FKBP1B: variants seen among roughly 807,000 people sequenced by gnomAD.
The protein encoded by FKBP1B is peptidyl-prolyl cis-trans isomerase FKBP1B.
Under a neutral mutation model 13.5 loss-of-function variants are expected in FKBP1B, and 4 were observed. The observed-to-expected ratio is 0.30, with a 90% confidence interval of 0.15 to 0.68. The LOEUF is 0.68. Ranked by LOEUF, FKBP1B falls within the 30% of genes least tolerant of loss-of-function variation. The pLI, the probability that FKBP1B is intolerant of heterozygous loss-of-function variation, is 0.76. For missense variants in FKBP1B, 93 were observed against 136.2 expected, an observed-to-expected ratio of 0.68 and a Z score of 1.58; for synonymous variants, 54 against 53.6, an observed-to-expected ratio of 1.01 and a Z score of -0.03.
intron 2 of FKBP1B, among the ~76,000 whole-genome samples, chr2:24,059,330 T>C (rs144247391): frequency 2.7e-5 from 4 of 149,760 alleles, no homozygotes; most frequent in Non-Finnish European, 5.9e-5. Flanking sequence ...ACAAGGCTTC[T>C]GAAGCAGAGG....
At chr2:24,048,595 G>A (rs1484454917), upstream of FKBP1B, among the ~76,000 whole-genome samples, 2 of 151,930 alleles carry the variant, frequency 1.3e-5, no homozygotes, top group Non-Finnish European at 2.9e-5. Flanking sequence ...TGAGATTACA[G>A]GTGTGAGCCA....
chr2:24,043,241 C>T, the FKBP1B span, among the ~76,000 whole-genome samples: 1 of 152,158 alleles, frequency 6.6e-6, no homozygotes, highest in Non-Finnish European at 1.5e-5. Context: ...GAGGCTGAGA[C>T]ACGAGAATTG....
chr2:24,040,695 T>A, the FKBP1B span, among the ~76,000 whole-genome samples: 2 of 152,202 alleles, frequency 1.3e-5, no homozygotes, highest in Non-Finnish European at 2.9e-5. Context: ...TGAATATTTT[T>A]CCCCCAGGCA....
intron 2 of FKBP1B, among the ~76,000 whole-genome samples, chr2:24,055,401 G>T (rs1489247750): frequency 1.3e-5 from 2 of 151,776 alleles, no homozygotes; most frequent in African/African-American, 4.8e-5. Flanking sequence ...TAGAGATGAG[G>T]GTCTCACTAT....
intron 2 of FKBP1B, among the ~76,000 whole-genome samples, chr2:24,056,245 C>A (rs1228242898): frequency 2.0e-5 from 3 of 152,018 alleles, no homozygotes; most frequent in African/African-American, 7.3e-5. Context: ...CTGCCTCGGC[C>A]TCTCAAAGTG....
In FKBP1B at chr2:24,055,210, T is replaced by G. The variant is rs958742979; in HGVS notation, c.85+1261T>G. Among the ~76,000 whole-genome samples the G allele has an allele frequency of 7.7e-4, 117 of 151,288 alleles. 3 individuals are homozygous for G. The highest frequency in any genetic ancestry group is 2.2e-4 in the Non-Finnish European group (15 of 67,808). On this transcript the variant is annotated intron_variant, in intron 2 of 3. Transcript: ENST00000380986. Reference sequence around the variant, plus strand: ...ATTGTTTTTCTTTTTTTTTTTTTTTTTGTCATTGTTGTTGTTGTTTTGAGA... The same window carrying G: ...ATTGTTTTTCTTTTTTTTTTTTTTTGTGTCATTGTTGTTGTTGTTTTGAGA...
chr2:24,039,470 G>A, the FKBP1B span: 1 of 1,612,126 alleles, frequency 6.2e-7, no homozygotes, highest in African/African-American at 1.3e-5. Context: ...CCAGTCCTGA[G>A]TAGTTTTCCT....
chr2:24,035,926 A>ATTGGG, the FKBP1B span, among the ~76,000 whole-genome samples: 2 of 149,822 alleles, frequency 1.3e-5, no homozygotes, highest in African/African-American at 4.9e-5. Flanking sequence ...AAAATTAGCC[A>ATTGGG]GGTGTGGTGG....
chr2:24,037,881 C>G, the FKBP1B span: 2 of 1,614,024 alleles, frequency 1.2e-6, no homozygotes, highest in Non-Finnish European at 1.7e-6. Flanking sequence ...AACGAGGAGG[C>G]TCCAGTGTGC....
At chr2:24,035,703 C>G in the FKBP1B span, among the ~76,000 whole-genome samples, 1 of 151,608 alleles carries the variant, frequency 6.6e-6, no homozygotes, top group African/African-American at 2.4e-5. Flanking sequence ...CTGCTTGAGC[C>G]CAGGACTTCC....
chr2:24,039,313 C>G, the FKBP1B span: 1 of 1,614,252 alleles, frequency 6.2e-7, no homozygotes, highest in Non-Finnish European at 8.5e-7. Flanking sequence ...GGACAACCCA[C>G]AGACACATTC....
chr2:24,038,102 CA>C, the FKBP1B span: 1 of 1,614,168 alleles, frequency 6.2e-7, no homozygotes, highest in Non-Finnish European at 8.5e-7. Context: ...GAAAGACTTT[CA>C]ATTAACTTTT....
At chr2:24,038,330 T>C in the FKBP1B span, 1 of 1,614,220 alleles carries the variant, frequency 6.2e-7, no homozygotes, top group Non-Finnish European at 8.5e-7. Flanking sequence ...CATATCCCTT[T>C]TGGTCTTTCA....
chr2:24,038,092 G>A, the FKBP1B span: 2 of 1,614,178 alleles, frequency 1.2e-6, no homozygotes, highest in Non-Finnish European at 1.7e-6. Flanking sequence ...AAAATCTGGG[G>A]AAAGACTTTC....
intron 1 of FKBP1B, 33 bp from the exon 2 acceptor site, chr2:24,053,869 T>C (rs1302509146): frequency 6.2e-7 from 1 of 1,609,740 alleles, no homozygotes; most frequent in Non-Finnish European, 8.5e-7. Flanking sequence ...TCCAATATCC[T>C]ACTCCTTCAT....
At chr2:24,041,689 C>T in the FKBP1B span, among the ~76,000 whole-genome samples, 1 of 151,108 alleles carries the variant, frequency 6.6e-6, no homozygotes, top group Non-Finnish European at 1.5e-5. Context: ...CCCATCTCTA[C>T]TCAAAATACA....
At chr2:24,061,030 T>C in intron 3 of FKBP1B, 104 bp downstream of exon 3, 1 of 828,110 alleles carries the variant, frequency 1.2e-6, no homozygotes, top group Non-Finnish European at 2.0e-6. Flanking sequence ...CCACTACTGC[T>C]TTGACTCTAC....
At chr2:24,057,437 G>T (rs1046737195) in intron 2 of FKBP1B, among the ~76,000 whole-genome samples, 1 of 151,866 alleles carries the variant, frequency 6.6e-6, no homozygotes, top group African/African-American at 2.4e-5. Context: ...GCAATGGCAC[G>T]ATTTCAGCTC....
At chr2:24,052,966 C>T (rs576361888) in intron 1 of FKBP1B, among the ~76,000 whole-genome samples, 185 of 152,056 alleles carry the variant, frequency 1.2e-3, no homozygotes, top group African/African-American at 4.3e-3. Context: ...CACTGAGACC[C>T]CTACTCTTAA....
Sources: allele counts gnomAD v4.1 joint callset (sites outside exome capture counted in the v4.1 genomes callset), GRCh38; gene constraint gnomAD v4.1.1; transcripts MANE v1.5; gene names NCBI Gene and HGNC (gene_info 2026-07-23, HGNC 2026-07-21).